The following MMP2 variants were observed in gnomAD, a reference collection of about 807,000 sequenced individuals.
The protein encoded by MMP2 is 72 kDa type IV collagenase.
Under a neutral mutation model 74.8 loss-of-function variants are expected in MMP2, and 39 were observed. The ratio of observed to expected loss-of-function variants is 0.52; its 90% CI spans 0.40 to 0.68. MMP2 has a LOEUF of 0.68. Among genes scored for constraint, MMP2 ranks in the 30% least tolerant of loss-of-function variants. The pLI is 0.00. For missense variants in MMP2, 803 were observed against 878.3 expected, an observed-to-expected ratio of 0.91 and a Z score of 1.08; for synonymous variants, 367 against 339.8, an observed-to-expected ratio of 1.08 and a Z score of -0.88.
At chr16:55,493,017 G>A in intron 8 of MMP2, 141 bp from the exon 9 acceptor site, 1 of 989,612 alleles carries the variant, frequency 1.0e-6, no homozygotes, top group Non-Finnish European at 1.5e-6. Context: ...GCATCTTCTT[G>A]TTACCTTACG....
intron 5 of MMP2, chr16:55,488,147 A>G (rs988991682): frequency 2.1e-5 from 5 of 233,004 alleles, no homozygotes; most frequent in Middle Eastern, 1.5e-3. Context: ...AAATGGAGAG[A>G]GATTCTCGTG....
Position 55,479,484 on chromosome 16 carries a change from A to G in MMP2, c.5A>G (p.Glu2Gly), listed in dbSNP as rs747046465. 1 of 1,572,152 alleles carries G rather than the reference A, an allele frequency of 6.4e-7. No homozygotes were observed. Among genetic ancestry groups the G allele is most frequent in the African/African-American group, 1.4e-5 (1 of 73,574 alleles). The change falls in exon 1 of 13, where the codon GAG becomes GGG. Residue 2 changes from glutamate (E) to glycine (G), a missense_variant. By Grantham distance (98) the Glu-to-Gly change is moderately conservative. This residue lies in a region of MMP2 where 223 missense variants were observed against 232.8 expected (regional missense o/e 0.96). Transcript: ENST00000219070. M[E>G]ALMARGALTG... Reference sequence around the variant, plus strand: ...GCGGGGCCAGGGAGCGCTACGATGGAGGCGCTAATGGCCCGGGGCGCGCTC... The same window carrying G: ...GCGGGGCCAGGGAGCGCTACGATGGGGGCGCTAATGGCCCGGGGCGCGCTC...
At chr16:55,503,294 T>A (rs1438246188) in intron 12 of MMP2, among the ~76,000 whole-genome samples, 1 of 152,214 alleles carries the variant, frequency 6.6e-6, no homozygotes, top group Non-Finnish European at 1.5e-5. Context: ...GCAAACTTTG[T>A]CATGCTCTGT....
rs146220690 is a variant in MMP2, at chr16:55,479,575, G to T, written c.96G>T (p.Ser32=). 7.3e-4 allele frequency: 1,170 copies of T among 1,613,392 alleles called. No homozygotes were observed. Among genetic ancestry groups the T allele is most frequent in the Non-Finnish European group, 9.7e-4 (1,139 of 1,179,992 alleles). ...CLLSHAAAAP[S]PIIKFPGDVA... Reference sequence around the variant, plus strand: ...TGAGCCACGCCGCCGCCGCGCCGTCGCCCATCATCAAGTTCCCCGGCGATG... The same window carrying T: ...TGAGCCACGCCGCCGCCGCGCCGTCTCCCATCATCAAGTTCCCCGGCGATG... Residue 32 remains serine (S), a synonymous_variant, in exon 1 of 13, where the codon TCG becomes TCT. Transcript: ENST00000219070.
chr16:55,498,263 C>T, intron 10 of MMP2, 26 bp from the exon 11 acceptor site: 8 of 1,613,382 alleles, frequency 5.0e-6, no homozygotes, highest in Non-Finnish European at 6.8e-6. Context: ...CAGCACCAGC[C>T]AACACACCCT....
rs745630597 is a variant in MMP2 at position 55,491,970 on chromosome 16, C to A, written c.1336+14C>A. ...AGGAGCTCTATGGTAAACCTCCGGG[C>A]GGGGGTTGGGGGTGGAGGGTGAGGA... On this transcript the variant is annotated intron_variant, in intron 8 of 12. Transcript: ENST00000219070. 1.4e-6 allele frequency: 1 copy of A among 715,488 alleles called. No homozygotes were observed. The highest frequency in any genetic ancestry group is 1.8e-5 in the South Asian group (1 of 55,232). The allele number at this position is 715,488 out of a possible 1,614,324, so 44.3% of individuals were successfully genotyped here.
chr16:55,486,171 A>G (rs1275165853), intron 5 of MMP2, among the ~76,000 whole-genome samples: 1 of 152,176 alleles, frequency 6.6e-6, no homozygotes, highest in Admixed American at 6.5e-5. Context: ...CTTCAAGGGC[A>G]TGAGGAAAGG....
chr16:55,486,456 T>C (rs1263448269), intron 5 of MMP2, among the ~76,000 whole-genome samples: 5 of 151,788 alleles, frequency 3.3e-5, no homozygotes, highest in Admixed American at 6.6e-5. Flanking sequence ...CTGTCTAGCT[T>C]GTGTCTGCAT....
intron 10 of MMP2, 121 bp downstream of exon 10, chr16:55,497,183 C>A: frequency 7.5e-7 from 1 of 1,331,502 alleles, no homozygotes; most frequent in Non-Finnish European, 1.1e-6. Context: ...TGGGTGCTCC[C>A]TTTCCTTTAT....
intron 12 of MMP2, among the ~76,000 whole-genome samples, chr16:55,503,468 C>CT (rs1302508033): frequency 6.6e-6 from 1 of 151,412 alleles, no homozygotes; most frequent in Non-Finnish European, 1.5e-5. Context: ...TCCAGTTTGG[C>CT]TTTTTTTAGA....
Position 55,489,825 on chromosome 16 carries a change from G to C in MMP2, c.1180+1G>C. ...AAGTGGGGCTTCTGCCCTGACCAAG[G>C]TACGAGGCCCTGGTCATTGGACAGA... is the stretch of plus-strand genomic sequence containing the variant. On this transcript the variant is annotated splice_donor_variant, in intron 7 of 12. Coordinates refer to ENST00000219070, the MANE Select transcript of MMP2 (RefSeq NM_004530.6). LOFTEE classifies it high-confidence loss of function. 1 of 1,613,864 alleles carries C rather than the reference G, an allele frequency of 6.2e-7. No homozygotes were observed. The highest frequency in any genetic ancestry group is 8.5e-7 in the Non-Finnish European group (1 of 1,179,926).
At chr16:55,482,021 G>C (rs1962118349) in intron 1 of MMP2, 1 of 510,540 alleles carries the variant, frequency 2.0e-6, no homozygotes, top group Non-Finnish European at 3.6e-6. Flanking sequence ...TTCTAACACA[G>C]TACTTATCAC....
At chr16:55,499,429 A>G (rs1962611950) in intron 11 of MMP2, among the ~76,000 whole-genome samples, 1 of 152,098 alleles carries the variant, frequency 6.6e-6, no homozygotes. Flanking sequence ...TCCAAATCAG[A>G]CCCCATGGAA....
rs772246711 is a variant in MMP2 at position 55,502,927 on chromosome 16, C to T, written c.1879+39C>T. 5.9e-6 allele frequency: 9 copies of T among 1,518,800 alleles called. No homozygotes were observed. In the Admixed American group the frequency reaches 1.2e-4, roughly 20 times the overall value. The allele number at this position is 1,518,800 out of a possible 1,614,324, so 94.1% of individuals were successfully genotyped here. A position where few individuals can be genotyped will look rare whatever the true frequency, so the allele number is the denominator to read the frequency against. On this transcript the variant is annotated intron_variant, in intron 12 of 12. Coordinates refer to ENST00000219070, the MANE Select transcript of MMP2 (RefSeq NM_004530.6). ...GACTGTCTCCGCTTTCTAGGACTCC[C>T]CGCCCCTAGCCAGGGCCCAGCTCCT...
chr16:55,504,102 G>A (rs1469047453), intron 12 of MMP2, among the ~76,000 whole-genome samples: 3 of 152,198 alleles, frequency 2.0e-5, no homozygotes, highest in Non-Finnish European at 4.4e-5. Flanking sequence ...AGGCTGCAGT[G>A]AGCCGTGTTC....
intron 12 of MMP2, among the ~76,000 whole-genome samples, chr16:55,503,727 G>A (rs1335135345): frequency 6.6e-6 from 1 of 152,190 alleles, no homozygotes; most frequent in African/African-American, 2.4e-5. Context: ...CATGTGTCAG[G>A]CAGGTAGCAC....
In MMP2 at chr16:55,502,893, G is replaced by A; in HGVS notation, c.1879+5G>A. On this transcript the variant is annotated splice_donor_5th_base_variant and intron_variant, in intron 12 of 12. Transcript: ENST00000219070. Reference sequence around the variant, plus strand: ...TCGTGGACCTGCAGGGCGGCGGTGAGCCACCCAGGACTGTCTCCGCTTTCT... The same window carrying A: ...TCGTGGACCTGCAGGGCGGCGGTGAACCACCCAGGACTGTCTCCGCTTTCT... 1 of 1,611,800 alleles carries A rather than the reference G, an allele frequency of 6.2e-7. No homozygotes were observed. Among genetic ancestry groups the A allele is most frequent in the Non-Finnish European group, 8.5e-7 (1 of 1,178,930 alleles).
chr16:55,486,621 TA>T (rs1408735971), intron 5 of MMP2: 2 of 152,112 alleles, frequency 1.3e-5, no homozygotes, highest in African/African-American at 4.8e-5. Context: ...CAATCCTTTT[TA>T]AAAATATCCT....
At chr16:55,483,970 C>T in intron 2 of MMP2, 46 bp from the exon 3 acceptor site, 1 of 1,586,396 alleles carries the variant, frequency 6.3e-7, no homozygotes, top group Admixed American at 1.7e-5. Context: ...TATACATACA[C>T]TTATGCACAT....
Sources: gnomAD v4.1 joint callset for allele counts (sites outside exome capture counted in the v4.1 genomes callset) on GRCh38, gnomAD v4.1.1 for gene constraint, gnomAD v4.1.1 regional missense constraint, MANE v1.5 for transcripts, NCBI Gene and HGNC (gene_info 2026-07-23, HGNC 2026-07-21) for gene names.